Variants in CLN3 observed in about 807,000 individuals in gnomAD.
CLN3 encodes battenin.
CLN3 carries 49 observed loss-of-function variants against 60.7 expected under a neutral mutation model. The ratio of observed to expected loss-of-function variants is 0.81; its 90% CI spans 0.64 to 1.02. The LOEUF (loss-of-function observed/expected upper bound fraction) is 1.02. CLN3 is among the 50% of genes least tolerant of loss of function. CLN3 has a pLI of 0.00. For missense variants in CLN3, 516 were observed against 557.4 expected (o/e 0.93, Z 0.75); for synonymous variants, 256 against 245.8 (o/e 1.04, Z -0.39).
At chr16:28,474,422 T>G (rs2045975209), downstream of CLN3, among the ~76,000 whole-genome samples, 1 of 151,754 alleles carries the variant, frequency 6.6e-6, no homozygotes, top group Non-Finnish European at 1.5e-5. Context: ...ATAGCACCAC[T>G]GCACTCCATC....
At chr16:28,468,290 C>A in the CLN3 span, among the ~76,000 whole-genome samples, 2 of 91,870 alleles carry the variant, frequency 2.2e-5, no homozygotes, top group African/African-American at 9.7e-5. Flanking sequence ...CTGCACCTGG[C>A]CAGTAGTTAT....
In CLN3 at chr16:28,487,503, C is replaced by G. The variant is rs1567261488; in HGVS notation, c.413G>C (p.Ser138Thr). 3 of 1,614,060 alleles carry G rather than the reference C, an allele frequency of 1.9e-6. No individual in the cohort carries two copies. Among genetic ancestry groups the G allele is most frequent in the Admixed American group, 1.7e-5 (1 of 59,972 alleles). ...VLVSGICAAG[S>T]FVLVAFSHSV... ...ATGAGAAAAGGCAACCAGGACGAAGCTTCCAGCAGCACAAATCCCACTGAC... is the reference window on the plus strand; with the variant it reads ...ATGAGAAAAGGCAACCAGGACGAAGGTTCCAGCAGCACAAATCCCACTGAC... Residue 138 changes from serine to threonine, a missense_variant, in exon 7 of 16, where the codon AGC becomes ACC. By Grantham distance (58) the Ser-to-Thr change is moderately conservative. Transcript: ENST00000636147.
chr16:28,473,902 T>C (rs1057010181), downstream of CLN3, among the ~76,000 whole-genome samples: 2 of 151,368 alleles, frequency 1.3e-5, no homozygotes, highest in Admixed American at 6.6e-5. Flanking sequence ...CACAGTGAGA[T>C]ACCACTTCAC....
rs547460330 is a variant in CLN3, at chr16:28,484,235, G to A, written c.678-117C>T. The A allele has an allele frequency of 1.6e-5, 12 of 744,344 alleles. No homozygotes were observed. In the East Asian group the frequency reaches 2.9e-4, roughly 18 times the overall value. The allele number at this position is 744,344 out of a possible 1,614,324, so 46.1% of individuals were successfully genotyped here. On this transcript the variant is annotated intron_variant, in intron 9 of 15. Transcript: ENST00000636147. ...TACCTTTGAACACTTTCAAAGATGGGTAGCTCACTGCCTCTAAGGCTCCTA... is the reference window on the plus strand; with the variant it reads ...TACCTTTGAACACTTTCAAAGATGGATAGCTCACTGCCTCTAAGGCTCCTA...
chr16:28,486,348 T>C lies in CLN3; in HGVS notation c.676A>G (p.Ser226Gly), dbSNP rs1555468695. ...MLGIPALLLA[S>G]YFLLLTSPEA... is the part of the protein sequence containing the mutation. ...CCCTCCCGGCTCAGGGCAGCTCACCTGGCCAGCAGCAGGGCAGGGATACCC... is the reference window on the plus strand; with the variant it reads ...CCCTCCCGGCTCAGGGCAGCTCACCCGGCCAGCAGCAGGGCAGGGATACCC... The change falls in exon 9 of 16, where the codon AGC (serine) becomes GGC (glycine). Residue 226 changes from serine (S) to glycine (G), a missense_variant and splice_region_variant. By Grantham distance (56) the Ser-to-Gly change is moderately conservative. Transcript: ENST00000636147. The C allele has an allele frequency of 6.2e-7, 1 of 1,612,108 alleles. No individual in the cohort carries two copies.
rs1567253478 is a variant in CLN3, at chr16:28,477,510, C to T, written c.*6G>A. 5.6e-6 allele frequency: 9 copies of T among 1,612,728 alleles called. No individual in the cohort carries two copies. The highest frequency in any genetic ancestry group is 2.7e-5 in the African/African-American group (2 of 74,866). On this transcript the variant is annotated 3_prime_UTR_variant, in exon 16 of 16. Transcript: ENST00000636147. ...AATGTGACCTGCGTCCTGAGGATCCCGAGTATCAGGAGAGCTGGCAGAGGA... is the reference window on the plus strand; with the variant it reads ...AATGTGACCTGCGTCCTGAGGATCCTGAGTATCAGGAGAGCTGGCAGAGGA...
downstream of CLN3, among the ~76,000 whole-genome samples, chr16:28,472,724 C>A (rs1409584247): frequency 6.6e-6 from 1 of 150,966 alleles, no homozygotes; most frequent in African/African-American, 2.4e-5. Flanking sequence ...CCCTTGTAAT[C>A]CCCGCTACTC....
chr16:28,468,756 G>A, the CLN3 span, among the ~76,000 whole-genome samples: 11 of 117,100 alleles, frequency 9.4e-5, no homozygotes, highest in South Asian at 5.3e-4. Flanking sequence ...GCAGTGAGCC[G>A]AGATCGCACC....
downstream of CLN3, among the ~76,000 whole-genome samples, chr16:28,473,379 C>T (rs1366194648): frequency 1.3e-5 from 2 of 152,124 alleles, no homozygotes; most frequent in African/African-American, 4.8e-5. Context: ...CCACCACGCC[C>T]GGCCTCCTTT....
At chr16:28,474,094 C>T (rs1389339412), downstream of CLN3, 1 of 152,186 alleles carries the variant, frequency 6.6e-6, no homozygotes, top group African/African-American at 2.4e-5. Flanking sequence ...ATGGCGAAAC[C>T]TCGTCTCCAT....
In CLN3 at chr16:28,482,639, C is replaced by T. The variant is rs779914525; in HGVS notation, c.824G>A (p.Trp275Ter). The T allele has an allele frequency of 6.2e-7, 1 of 1,614,188 alleles. No individual in the cohort carries two copies. The highest frequency in any genetic ancestry group is 1.1e-5 in the South Asian group (1 of 91,080). ...SSSSLSLRER[W>*]TVFKGLLWYI... ...CATCATCCGAACCTTGAACACTGTC[C>T]ACCTTTCCCGAAGGGAGAGGCTGGA... Residue 275 changes from tryptophan to a stop codon, truncating the protein, a stop_gained, in exon 11 of 16, where the codon TGG becomes TAG. Coordinates refer to ENST00000636147, the MANE Select transcript of CLN3 (RefSeq NM_001042432.2). LOFTEE classifies it high-confidence loss of function.
chr16:28,477,818 G>A lies in CLN3; in HGVS notation c.1116C>T (p.Tyr372=), dbSNP rs142456044. 3.7e-6 allele frequency: 6 copies of A among 1,614,184 alleles called. No homozygotes were observed. In the African/African-American group the frequency reaches 6.7e-5, roughly 18 times the overall value. Residue 372 remains tyrosine (Y), a synonymous_variant, in exon 15 of 16, where the codon TAC becomes TAT. Transcript: ENST00000636147. ...CATACAGAATGATCAGGAAGACGAG[G>A]TAGATGCTTGGCAGAAAGCCGAACC... The part of the protein sequence containing the change: ...DVWFGFLPSI[Y]LVFLIILYEG...
chr16:28,477,268 G>T (rs572628440), downstream of CLN3: 1 of 556,916 alleles, frequency 1.8e-6, no homozygotes, highest in Non-Finnish European at 3.2e-6. Flanking sequence ...AGACAAAAAC[G>T]ATATAAGAAG....
downstream of CLN3, chr16:28,475,871 TAA>T (rs958827471): frequency 6.6e-6 from 1 of 151,454 alleles, no homozygotes; most frequent in African/African-American, 2.4e-5. Flanking sequence ...TGAGAAACAC[TAA>T]GTCAGACTCA....
chr16:28,468,800 C>T, the CLN3 span, among the ~76,000 whole-genome samples: 2 of 77,942 alleles, frequency 2.6e-5, no homozygotes, highest in Non-Finnish European at 2.7e-5. Flanking sequence ...GAGTGAGACT[C>T]TGTCTCAAAA....
downstream of CLN3, among the ~76,000 whole-genome samples, chr16:28,471,876 C>G (rs2045952759): frequency 1.3e-5 from 2 of 152,040 alleles, no homozygotes; most frequent in South Asian, 4.1e-4. Context: ...TCAGGGATGT[C>G]CAAGGAATCT....
chr16:28,469,927 T>C (rs2045931703), downstream of CLN3: 1 of 281,670 alleles, frequency 3.6e-6, no homozygotes. Context: ...AGCCGAGATC[T>C]TGCCACTGCA....
chr16:28,488,040 CTATATA>C, intron 5 of CLN3: 11 of 345,286 alleles, frequency 3.2e-5, no homozygotes, highest in South Asian at 2.9e-4. Context: ...GACTCAGAAA[CTATATA>C]TATATATATT....
At position 28,487,670 on chromosome 16, in the gene CLN3, C is replaced by T. The variant is rs376960425; in HGVS notation, c.366G>A (p.Leu122=). 5 of 1,613,546 alleles carry T rather than the reference C, an allele frequency of 3.1e-6. No individual in the cohort carries two copies. The African/African-American group carries it at 6.7e-5, about 22-fold the overall frequency. The part of the protein sequence containing the change: ...KLLAPLGLHL[L]PYSPRVLVSG... ...ACTACCCTCACCCAGACCTGTAGGG[C>T]AGCAGGTGAAGGCCAAGAGGAGCCA... Residue 122 remains leucine (L), a synonymous_variant, in exon 6 of 16, where the codon CTG becomes CTA. Transcript: ENST00000636147.
Sources: allele counts gnomAD v4.1 joint callset (sites outside exome capture counted in the v4.1 genomes callset), GRCh38; gene constraint gnomAD v4.1.1; transcripts MANE v1.5; gene names NCBI Gene and HGNC (gene_info 2026-07-23, HGNC 2026-07-21).